Variants in ODAD2 observed in about 807,000 individuals in gnomAD.
ODAD2 encodes outer dynein arm-docking complex subunit 2.
In ODAD2, 89 loss-of-function variants were observed where a neutral mutation model predicts 106.8. That is an observed-to-expected ratio of 0.83 (90% confidence interval 0.70 to 0.99). ODAD2 has a LOEUF of 0.99. ODAD2 is among the 50% of genes least tolerant of loss of function. The probability of loss-of-function intolerance (pLI) is 0.00; values close to 1 mark genes in which losing one functional copy is unlikely to be tolerated. For missense variants in ODAD2, 1,168 were observed against 1,238.5 expected (o/e 0.94, Z 0.85); for synonymous variants, 404 against 436.2 (o/e 0.93, Z 0.92).
chr10:27,819,677 G>T (rs1374692277), intron 19 of ODAD2, among the ~76,000 whole-genome samples: 1 of 151,790 alleles, frequency 6.6e-6, no homozygotes, highest in Non-Finnish European at 1.5e-5. Flanking sequence ...TGAGACGGGA[G>T]GATGGCTTGA....
At chr10:27,820,941 C>T (rs374166770) in intron 19 of ODAD2, among the ~76,000 whole-genome samples, 3 of 151,970 alleles carry the variant, frequency 2.0e-5, no homozygotes, top group Admixed American at 6.6e-5. Context: ...GCCACCACAC[C>T]GGCTAATTTT....
rs114862833 is a variant in ODAD2, at chr10:27,817,371, G to A, written c.3022-4746C>T. On this transcript the variant is annotated intron_variant, in intron 19 of 19. Transcript: ENST00000305242. ...TTTTCAAAAATTTTGGATATATTTCGAGGGTACAAGTGCAAATTTCTTACA... is the reference window on the plus strand; with the variant it reads ...TTTTCAAAAATTTTGGATATATTTCAAGGGTACAAGTGCAAATTTCTTACA... Among the ~76,000 whole-genome samples, 999 of 152,132 alleles carry A rather than the reference G, an allele frequency of 6.6e-3. 11 individuals carry two copies. Among genetic ancestry groups the A allele is most frequent in the African/African-American group, 0.023 (937 of 41,480 alleles).
At chr10:27,900,551 G>A (rs1030079547) in intron 17 of ODAD2, among the ~76,000 whole-genome samples, 1 of 152,276 alleles carries the variant, frequency 6.6e-6, no homozygotes, top group African/African-American at 2.4e-5. Flanking sequence ...AGGCAAGGAA[G>A]CAAAGAACCT....
At chr10:27,925,571 T>C (rs1845198930) in intron 16 of ODAD2, among the ~76,000 whole-genome samples, 1 of 152,174 alleles carries the variant, frequency 6.6e-6, no homozygotes. Flanking sequence ...TTTTCCAGGC[T>C]GGTCTCAAAC....
At chr10:27,959,242 G>A (rs1847948933) in intron 10 of ODAD2, among the ~76,000 whole-genome samples, 1 of 127,444 alleles carries the variant, frequency 7.8e-6, no homozygotes, top group Non-Finnish European at 1.6e-5. Context: ...GCGAGGAGGG[G>A]AGGAAGAAAG....
chr10:27,917,781 T>G (rs1844501114), intron 16 of ODAD2, among the ~76,000 whole-genome samples: 1 of 151,940 alleles, frequency 6.6e-6, no homozygotes, highest in South Asian at 2.1e-4. Context: ...ATTATTTTTT[T>G]AATGGACCAT....
At chr10:27,899,125 G>C (rs1269214258) in intron 17 of ODAD2, among the ~76,000 whole-genome samples, 2 of 151,790 alleles carry the variant, frequency 1.3e-5, no homozygotes, top group Non-Finnish European at 2.9e-5. Flanking sequence ...CATCTCATTG[G>C]GACTTGTTAG....
At chr10:27,920,729 G>A (rs1844716198) in intron 16 of ODAD2, among the ~76,000 whole-genome samples, 1 of 152,050 alleles carries the variant, frequency 6.6e-6, no homozygotes, top group African/African-American at 2.4e-5. Context: ...GAAAGGTCAC[G>A]AAGACTTGTT....
At chr10:27,888,542 C>T (rs1222737607) in intron 17 of ODAD2, among the ~76,000 whole-genome samples, 1 of 151,952 alleles carries the variant, frequency 6.6e-6, no homozygotes, top group Non-Finnish European at 1.5e-5. Context: ...TGTTTGAGTT[C>T]CTTGTAGAAT....
intron 8 of ODAD2, 39 bp downstream of exon 8, chr10:27,971,069 T>C (rs1174566398): frequency 7.3e-7 from 1 of 1,375,956 alleles, no homozygotes. Flanking sequence ...GTATGGTTAC[T>C]AATGCTGCAT....
Position 27,956,533 on chromosome 10 carries a change from G to A in ODAD2, c.1386+5035C>T, listed in dbSNP as rs142860885. On this transcript the variant is annotated intron_variant, in intron 10 of 19. Transcript: ENST00000305242. ...CCTAGAGCTGGTGCCTGGACAATACGGGCATCTTATCCTGTAGTGACAGCT... is the reference window on the plus strand; with the variant it reads ...CCTAGAGCTGGTGCCTGGACAATACAGGCATCTTATCCTGTAGTGACAGCT... 5.3e-5 allele frequency among the ~76,000 whole-genome samples: 8 copies of A among 152,238 alleles called. No individual in the cohort carries two copies. The East Asian group carries it at 7.7e-4, about 15-fold the overall frequency.
intron 17 of ODAD2, among the ~76,000 whole-genome samples, chr10:27,885,171 A>C (rs1460223650): frequency 6.6e-6 from 1 of 152,026 alleles, no homozygotes; most frequent in Admixed American, 6.6e-5. Flanking sequence ...TAATTAAAAT[A>C]AATAAGGAAA....
chr10:27,985,283 T>G, intron 3 of ODAD2, 72 bp from the exon 4 acceptor site: 3 of 1,203,960 alleles, frequency 2.5e-6, no homozygotes, highest in Non-Finnish European at 3.4e-6. Context: ...ACATTAAGAC[T>G]AATAAATCCT....
At chr10:27,862,892 G>T (rs1840156840) in intron 17 of ODAD2, among the ~76,000 whole-genome samples, 1 of 152,066 alleles carries the variant, frequency 6.6e-6, no homozygotes, top group Non-Finnish European at 1.5e-5. Flanking sequence ...GAGTCACTGT[G>T]TTAGCTACTG....
At chr10:27,907,519 T>A (rs1564490577) in intron 17 of ODAD2, 144 bp downstream of exon 17, 3 of 518,350 alleles carry the variant, frequency 5.8e-6, no homozygotes, top group Non-Finnish European at 1.0e-5. Flanking sequence ...GCTCCGAAAT[T>A]ATTTTGGCAT....
rs1194704611 is a variant in ODAD2, at chr10:27,936,819, G to A, written c.2159C>T (p.Ala720Val). The A allele has an allele frequency of 2.1e-5, 34 of 1,613,776 alleles. No homozygotes were observed. The highest frequency in any genetic ancestry group is 2.9e-5 in the Non-Finnish European group (34 of 1,179,908). ...VRLHGGLKPLASLLNNTDNKE... is the reference protein window; with the variant it reads ...VRLHGGLKPLVSLLNNTDNKE... ...ATTGTCAGTGTTATTGAGTAGACTG[G>A]CCAAGGGCTTAAGTCCTCCGTGCAG... Residue 720 changes from alanine to valine, a missense_variant, in exon 15 of 20, where the codon GCC becomes GTC. Physicochemically the swap from Ala to Val is moderately conservative, Grantham distance 64 (BLOSUM62 0). Coordinates refer to ENST00000305242, the MANE Select transcript of ODAD2 (RefSeq NM_018076.5).
In ODAD2 at chr10:27,944,123, A is replaced by G. The variant is rs1476600210; in HGVS notation, c.1743+99T>C. 5 of 1,037,758 alleles carry G rather than the reference A, an allele frequency of 4.8e-6. No individual in the cohort carries two copies. The Admixed American group carries it at 6.3e-5, about 13-fold the overall frequency. The allele number at this position is 1,037,758 out of a possible 1,614,324, so 64.3% of individuals were successfully genotyped here. A position where few individuals can be genotyped will look rare whatever the true frequency, so the allele number is the denominator to read the frequency against. The stretch of plus-strand genomic sequence containing the variant: ...CAGAAGGCTCCTGGAACACGCTCTC[A>G]TGGCTATGGAATTTCCAGCGTGGCC... On this transcript the variant is annotated intron_variant, in intron 12 of 19. Transcript: ENST00000305242.
intron 16 of ODAD2, among the ~76,000 whole-genome samples, chr10:27,932,069 G>A (rs1564516973): frequency 6.6e-6 from 1 of 152,046 alleles, no homozygotes; most frequent in Non-Finnish European, 1.5e-5. Flanking sequence ...TGAGTAGCTA[G>A]GACTACAGGC....
At chr10:27,868,938 T>G (rs995783902) in intron 17 of ODAD2, among the ~76,000 whole-genome samples, 1 of 151,918 alleles carries the variant, frequency 6.6e-6, no homozygotes, top group Non-Finnish European at 1.5e-5. Flanking sequence ...GAAAGCACAT[T>G]AGAAAGACAT....
Sources: allele counts gnomAD v4.1 joint callset (sites outside exome capture counted in the v4.1 genomes callset), GRCh38; gene constraint gnomAD v4.1.1; transcripts MANE v1.5; gene names NCBI Gene and HGNC (gene_info 2026-07-23, HGNC 2026-07-21).